The following PACRG variants were observed in gnomAD, a reference collection of about 807,000 sequenced individuals.
PACRG encodes the protein parkin coregulated, also known as parkin coregulated gene protein.
A neutral mutation model predicts 29.7 loss-of-function variants in PACRG; 29 were observed. The observed-to-expected ratio is 0.98, with a 90% CI of 0.73 to 1.33. The LOEUF (loss-of-function observed/expected upper bound fraction) is 1.33. PACRG is among the 40% of genes most tolerant of loss of function. PACRG has a pLI of 0.00. For synonymous variants in PACRG, 116 were observed against 118.7 expected, an observed-to-expected ratio of 0.98 and a Z score of 0.15; for missense variants, 279 against 316.2, an observed-to-expected ratio of 0.88 and a Z score of 0.89.
chr6:163,194,350 C>A (rs899204213), intron 4 of PACRG, among the ~76,000 whole-genome samples: 1 of 152,096 alleles, frequency 6.6e-6, no homozygotes, highest in Non-Finnish European at 1.5e-5. Flanking sequence ...TTTGTTCTCT[C>A]CCCCTCTCTC....
chr6:163,312,238 C>T (rs756477094), intron 4 of PACRG, among the ~76,000 whole-genome samples: 2 of 152,094 alleles, frequency 1.3e-5, no homozygotes, highest in Non-Finnish European at 2.9e-5. Context: ...AAAGATGAGC[C>T]CAACTCTGAG....
chr6:162,855,000 C>G (rs528951692), intron 2 of PACRG, among the ~76,000 whole-genome samples: 5 of 152,372 alleles, frequency 3.3e-5, no homozygotes, highest in African/African-American at 9.6e-5. Context: ...CTGTGCCCTG[C>G]GAGCGCGCCT....
chr6:162,845,934 T>C (rs1323601772), intron 2 of PACRG, among the ~76,000 whole-genome samples: 1 of 152,180 alleles, frequency 6.6e-6, no homozygotes, highest in Admixed American at 6.5e-5. Context: ...TGTTTAACAT[T>C]AGTGTTCTCA....
chr6:163,088,356 C>A (rs983561133), intron 3 of PACRG, among the ~76,000 whole-genome samples: 6 of 152,144 alleles, frequency 3.9e-5, no homozygotes, highest in African/African-American at 1.4e-4. Context: ...GCACTTTTGA[C>A]CTTCTATAAT....
intron 2 of PACRG, among the ~76,000 whole-genome samples, chr6:162,891,781 C>A (rs1794779338): frequency 6.6e-6 from 1 of 152,096 alleles, no homozygotes; most frequent in Admixed American, 6.5e-5. Context: ...GGTACAAGCC[C>A]ACAGTGTGGA....
intron 4 of PACRG, among the ~76,000 whole-genome samples, chr6:163,305,674 C>T (rs145978956): frequency 0.013 from 1,952 of 152,218 alleles, 17 homozygotes; most frequent in Non-Finnish European, 0.018. Flanking sequence ...TGAAATCAGT[C>T]GGCCTTGATT....
chr6:162,754,168 A>G lies in PACRG; in HGVS notation c.156+25777A>G, dbSNP rs78650978. 7.2e-3 allele frequency among the ~76,000 whole-genome samples: 1,095 copies of G among 152,290 alleles called. 19 individuals carry two copies. Among genetic ancestry groups the G allele is most frequent in the African/African-American group, 0.025 (1,053 of 41,566 alleles). ...AATTTGCTTTCTTTCATTTTTTGAT[A>G]CAAGCCATTCTAACAAATGTAAGGT... On this transcript the variant is annotated intron_variant, in intron 1 of 4. Coordinates refer to ENST00000366888, the MANE Select transcript of PACRG (RefSeq NM_001080379.2).
At chr6:163,255,719 C>A (rs1783079345) in intron 4 of PACRG, among the ~76,000 whole-genome samples, 2 of 152,150 alleles carry the variant, frequency 1.3e-5, no homozygotes, top group Non-Finnish European at 2.9e-5. Flanking sequence ...TCACTGTAAC[C>A]TCTGCCTCCC....
intron 4 of PACRG, among the ~76,000 whole-genome samples, chr6:163,294,518 A>G (rs971071663): frequency 5.9e-5 from 9 of 152,324 alleles, no homozygotes; most frequent in African/African-American, 1.9e-4. Flanking sequence ...CAAGGAAAAG[A>G]GAACCGTTGG....
chr6:162,798,374 C>G (rs909989122), intron 1 of PACRG, among the ~76,000 whole-genome samples: 11 of 152,124 alleles, frequency 7.2e-5, no homozygotes, highest in African/African-American at 2.7e-4. Flanking sequence ...TTCTCCCTCA[C>G]CAGAAATACA....
At chr6:163,290,994 A>G (rs1428683432) in intron 4 of PACRG, among the ~76,000 whole-genome samples, 1 of 152,102 alleles carries the variant, frequency 6.6e-6, no homozygotes, top group Non-Finnish European at 1.5e-5. Flanking sequence ...TCCTCGGAAC[A>G]TGGACTTCCT....
intron 2 of PACRG, among the ~76,000 whole-genome samples, chr6:162,962,268 G>C (rs916907825): frequency 6.6e-6 from 1 of 150,932 alleles, no homozygotes; most frequent in Non-Finnish European, 1.5e-5. Flanking sequence ...TGGAGGCAGA[G>C]ACTATGTCTT....
chr6:163,141,614 A>T (rs1817155085), intron 4 of PACRG, among the ~76,000 whole-genome samples: 1 of 152,096 alleles, frequency 6.6e-6, no homozygotes, highest in African/African-American at 2.4e-5. Flanking sequence ...AAAGAAAAAA[A>T]ATGAAAAATC....
At chr6:163,277,304 C>T (rs1218840094) in intron 4 of PACRG, among the ~76,000 whole-genome samples, 1 of 151,932 alleles carries the variant, frequency 6.6e-6, no homozygotes, top group Non-Finnish European at 1.5e-5. Context: ...CATTCTCATG[C>T]CTTTGCGTCC....
chr6:163,311,536 C>T (rs1400650275), intron 4 of PACRG, among the ~76,000 whole-genome samples: 4 of 152,172 alleles, frequency 2.6e-5, no homozygotes, highest in Non-Finnish European at 5.9e-5. Flanking sequence ...GTCAATGTAG[C>T]AGGTTTGAAA....
At chr6:162,962,670 T>C (rs1311494829) in intron 2 of PACRG, among the ~76,000 whole-genome samples, 1 of 152,236 alleles carries the variant, frequency 6.6e-6, no homozygotes, top group Non-Finnish European at 1.5e-5. Flanking sequence ...GAACCACATC[T>C]GCCAGCATCT....
intron 2 of PACRG, among the ~76,000 whole-genome samples, chr6:162,829,686 CAT>C (rs139416961): frequency 0.017 from 2,614 of 152,218 alleles, 73 homozygotes; most frequent in African/African-American, 0.059. Flanking sequence ...CGTTCAGCAA[CAT>C]ATGTTGCCTT....
chr6:162,900,023 TG>T (rs1425880326), intron 2 of PACRG, among the ~76,000 whole-genome samples: 3 of 151,876 alleles, frequency 2.0e-5, no homozygotes, highest in African/African-American at 4.8e-5. Context: ...GGTCTGGCTG[TG>T]GGGAAGGGCG....
At chr6:163,200,895 C>G (rs182899549) in intron 4 of PACRG, among the ~76,000 whole-genome samples, 1,606 of 152,294 alleles carry the variant, frequency 0.011, 66 homozygotes, top group Admixed American at 0.074. Flanking sequence ...CCTGCACCAC[C>G]GGCATTCCTG....
Sources: gnomAD v4.1 joint callset for allele counts (sites outside exome capture counted in the v4.1 genomes callset) on GRCh38, gnomAD v4.1.1 for gene constraint, MANE v1.5 for transcripts, NCBI Gene and HGNC (gene_info 2026-07-23, HGNC 2026-07-21) for gene names.